Variants in RPSA2 observed in about 807,000 individuals in gnomAD.
RPSA2 encodes ribosomal protein SA 2.
At chr19:23,827,371 C>T in the RPSA2 span, 9 of 1,553,326 alleles carry the variant, frequency 5.8e-6, no homozygotes, top group Non-Finnish European at 7.9e-6. Context: ...CCATTGAAAA[C>T]CCTGCTGATG....
At chr19:23,774,185 C>T in the RPSA2 span, among the ~76,000 whole-genome samples, 4 of 152,194 alleles carry the variant, frequency 2.6e-5, no homozygotes, top group Non-Finnish European at 5.9e-5. Context: ...TGCATTGTCA[C>T]GTATCTCTGG....
chr19:23,848,160 G>A, the RPSA2 span, among the ~76,000 whole-genome samples: 5 of 152,258 alleles, frequency 3.3e-5, no homozygotes, highest in Admixed American at 1.3e-4. Context: ...AAGTAAGATA[G>A]GCATAAGAAA....
At chr19:23,792,121 C>A in the RPSA2 span, among the ~76,000 whole-genome samples, 213 of 152,286 alleles carry the variant, frequency 1.4e-3, no homozygotes, top group Non-Finnish European at 2.5e-3. Flanking sequence ...AAAATGTAAG[C>A]ACCTTAAAAG....
At chr19:23,795,524 G>C in the RPSA2 span, among the ~76,000 whole-genome samples, 1 of 151,968 alleles carries the variant, frequency 6.6e-6, no homozygotes, top group Non-Finnish European at 1.5e-5. Flanking sequence ...CATTTATTTT[G>C]TATCCTTAAT....
chr19:23,781,654 G>A, the RPSA2 span, among the ~76,000 whole-genome samples: 2 of 152,104 alleles, frequency 1.3e-5, no homozygotes, highest in Admixed American at 1.3e-4. Context: ...CACATAATTT[G>A]CAAAGGAAAT....
chr19:23,765,493 TG>T, the RPSA2 span, among the ~76,000 whole-genome samples: 2 of 152,142 alleles, frequency 1.3e-5, no homozygotes, highest in African/African-American at 4.8e-5. Context: ...TGCAGGAATG[TG>T]GATGGAACTG....
the RPSA2 span, among the ~76,000 whole-genome samples, chr19:23,840,105 G>C: frequency 8.4e-5 from 9 of 107,740 alleles, no homozygotes; most frequent in South Asian, 2.5e-3. Flanking sequence ...GAGAAAAAAT[G>C]GTTGATTCTC....
chr19:23,819,951 TGAC>T, the RPSA2 span, among the ~76,000 whole-genome samples: 5 of 152,248 alleles, frequency 3.3e-5, no homozygotes, highest in African/African-American at 1.2e-4. Flanking sequence ...GTCCATTGTC[TGAC>T]GCTAGAGTCA....
the RPSA2 span, among the ~76,000 whole-genome samples, chr19:23,846,496 T>C: frequency 6.6e-6 from 1 of 152,276 alleles, no homozygotes; most frequent in East Asian, 1.9e-4. Context: ...TGATGGTGAA[T>C]ATCAATCTTT....
the RPSA2 span, among the ~76,000 whole-genome samples, chr19:23,849,805 G>A: frequency 6.6e-6 from 1 of 152,084 alleles, no homozygotes; most frequent in Admixed American, 6.5e-5. Context: ...ACTACTGCAT[G>A]TCAGTTAACA....
At chr19:23,767,795 C>G in the RPSA2 span, among the ~76,000 whole-genome samples, 1 of 116,700 alleles carries the variant, frequency 8.6e-6, no homozygotes, top group African/African-American at 3.4e-5. Context: ...GAGACAGAGT[C>G]TAGCTCTGTC....
chr19:23,803,359 A>C, the RPSA2 span, among the ~76,000 whole-genome samples: 10 of 152,156 alleles, frequency 6.6e-5, no homozygotes, highest in Admixed American at 2.6e-4. Context: ...AAAAGCAGAT[A>C]AATGGAAAAT....
At chr19:23,807,895 C>A in the RPSA2 span, 1 of 379,784 alleles carries the variant, frequency 2.6e-6, no homozygotes, top group South Asian at 2.5e-5. Context: ...GGACACTGCA[C>A]AGCAGAATTT....
chr19:23,770,023 C>A, the RPSA2 span, among the ~76,000 whole-genome samples: 1 of 152,140 alleles, frequency 6.6e-6, no homozygotes, highest in Non-Finnish European at 1.5e-5. Flanking sequence ...TTTGCTCATG[C>A]ATGTGCTCTG....
the RPSA2 span, among the ~76,000 whole-genome samples, chr19:23,806,602 G>A: frequency 2.0e-5 from 3 of 151,732 alleles, no homozygotes; most frequent in East Asian, 2.0e-4. Flanking sequence ...TGGCTACCAC[G>A]GTGAAACCCC....
the RPSA2 span, among the ~76,000 whole-genome samples, chr19:23,787,996 G>T: frequency 6.6e-6 from 1 of 152,166 alleles, no homozygotes; most frequent in Non-Finnish European, 1.5e-5. Flanking sequence ...TAACAGAAGC[G>T]ACAGTGATTT....
chr19:23,863,299 C>A, the RPSA2 span, among the ~76,000 whole-genome samples: 14 of 152,234 alleles, frequency 9.2e-5, no homozygotes, highest in African/African-American at 3.4e-4. Flanking sequence ...AGCAGTGGCA[C>A]CCACCTGTAA....
the RPSA2 span, among the ~76,000 whole-genome samples, chr19:23,842,195 G>A: frequency 2.6e-5 from 4 of 152,122 alleles, no homozygotes; most frequent in Non-Finnish European, 5.9e-5. Flanking sequence ...AATTTGAGAG[G>A]TATCTCCTAA....
chr19:23,862,899 T>C, the RPSA2 span, among the ~76,000 whole-genome samples: 1 of 150,614 alleles, frequency 6.6e-6, no homozygotes, highest in South Asian at 2.1e-4. Flanking sequence ...TTTCTTTCTT[T>C]TTTTTTTTTT....
Sources: allele counts gnomAD v4.1 joint callset (sites outside exome capture counted in the v4.1 genomes callset), GRCh38; gene constraint gnomAD v4.1.1; transcripts MANE v1.5; gene names NCBI Gene and HGNC (gene_info 2026-07-23, HGNC 2026-07-21).